The following APP variants were observed in gnomAD, a reference collection of about 807,000 sequenced individuals.
The protein encoded by APP is amyloid beta precursor protein, also known as amyloid-beta precursor protein.
Under a neutral mutation model 101.4 loss-of-function variants are expected in APP, and 31 were observed. The ratio of observed to expected loss-of-function variants is 0.31; its 90% confidence interval spans 0.23 to 0.41. APP has a LOEUF of 0.41. Among genes scored for constraint, APP ranks in the 10% least tolerant of loss-of-function variants. The pLI, the probability that APP is intolerant of heterozygous loss-of-function variation, is 1.00. For missense variants in APP, 839 were observed against 1,003.7 expected, an observed-to-expected ratio of 0.84 and a Z score of 2.22; for synonymous variants, 366 against 364.4, an observed-to-expected ratio of 1.00 and a Z score of -0.05.
intron 14 of APP, among the ~76,000 whole-genome samples, chr21:25,907,441 T>C (rs1415051597): frequency 6.6e-6 from 1 of 152,246 alleles, no homozygotes; most frequent in Non-Finnish European, 1.5e-5. Flanking sequence ...CTTTCCAATT[T>C]TTCCAATTGA....
intron 11 of APP, among the ~76,000 whole-genome samples, chr21:25,971,666 G>A (rs1325440203): frequency 6.6e-6 from 1 of 152,246 alleles, no homozygotes; most frequent in African/African-American, 2.4e-5. Flanking sequence ...GAAAGAAACT[G>A]AAGCCAGGGG....
At chr21:25,973,400 T>C (rs939535842) in intron 11 of APP, among the ~76,000 whole-genome samples, 2 of 152,176 alleles carry the variant, frequency 1.3e-5, no homozygotes, top group Non-Finnish European at 2.9e-5. Flanking sequence ...ACCACATTAA[T>C]ATTAATCAAA....
intron 1 of APP, among the ~76,000 whole-genome samples, chr21:26,122,284 G>C (rs2062590836): frequency 6.6e-6 from 1 of 152,164 alleles, no homozygotes; most frequent in Non-Finnish European, 1.5e-5. Flanking sequence ...ATACACTGCT[G>C]AGTCTGGTAC....
At chr21:26,168,118 T>A (rs1436436035) in intron 1 of APP, among the ~76,000 whole-genome samples, 1 of 152,102 alleles carries the variant, frequency 6.6e-6, no homozygotes, top group Non-Finnish European at 1.5e-5. Flanking sequence ...TAAATAAATA[T>A]TAGGGTAGTG....
chr21:26,082,889 C>T (rs2061625075), intron 3 of APP, among the ~76,000 whole-genome samples: 1 of 152,094 alleles, frequency 6.6e-6, no homozygotes, highest in Non-Finnish European at 1.5e-5. Flanking sequence ...TTTTGTAGGA[C>T]TTATTTCTCT....
chr21:26,130,644 T>C (rs1451554474), intron 1 of APP, among the ~76,000 whole-genome samples: 1 of 152,238 alleles, frequency 6.6e-6, no homozygotes, highest in Non-Finnish European at 1.5e-5. Flanking sequence ...CATTCTATAA[T>C]GTTAAAATAC....
At chr21:25,963,022 T>C (rs978952723) in intron 11 of APP, among the ~76,000 whole-genome samples, 5 of 152,076 alleles carry the variant, frequency 3.3e-5, no homozygotes, top group East Asian at 1.9e-4. Flanking sequence ...CTATGTTGGA[T>C]AGGCTGGTCT....
At chr21:26,115,297 A>G (rs1019795069) in intron 1 of APP, among the ~76,000 whole-genome samples, 7 of 141,338 alleles carry the variant, frequency 5.0e-5, no homozygotes, top group African/African-American at 1.8e-4. Context: ...TCAACTCACA[A>G]AAGCCATGTT....
chr21:26,027,957 G>A (rs2044653172), intron 5 of APP, among the ~76,000 whole-genome samples: 1 of 152,040 alleles, frequency 6.6e-6, no homozygotes, highest in Non-Finnish European at 1.5e-5. Flanking sequence ...CACGTTGCGG[G>A]GCCGAGGCAG....
At chr21:26,166,397 T>G (rs1414764517) in intron 1 of APP, among the ~76,000 whole-genome samples, 1 of 152,124 alleles carries the variant, frequency 6.6e-6, no homozygotes. Context: ...AGACGGCATT[T>G]CCCATCCATC....
upstream of APP, chr21:26,170,901 T>TCGCGCCC (rs1194234304): frequency 9.8e-6 from 3 of 307,068 alleles, no homozygotes; most frequent in Non-Finnish European, 1.7e-5. Context: ...GGAGGGGCCC[T>TCGCGCCC]CGCGCCCCGC....
At chr21:26,163,879 TA>T (rs2063550741) in intron 1 of APP, among the ~76,000 whole-genome samples, 1 of 152,240 alleles carries the variant, frequency 6.6e-6, no homozygotes, top group African/African-American at 2.4e-5. Flanking sequence ...AAAAAATATA[TA>T]ATTTCAATTA....
At chr21:25,962,253 G>A (rs1392352354) in intron 11 of APP, among the ~76,000 whole-genome samples, 1 of 151,888 alleles carries the variant, frequency 6.6e-6, no homozygotes, top group African/African-American at 2.4e-5. Context: ...TTTATTAAAG[G>A]ATTAAGAACA....
intron 13 of APP, among the ~76,000 whole-genome samples, chr21:25,924,889 T>C (rs1015007): frequency 1 from 152,317 of 152,320 alleles, 76,157 homozygotes; most frequent in Middle Eastern, 1. Context: ...TACTATTTTC[T>C]TTCCTTTTTG....
At chr21:25,976,993 G>A (rs2042248316) in intron 9 of APP, among the ~76,000 whole-genome samples, 1 of 152,138 alleles carries the variant, frequency 6.6e-6, no homozygotes, top group Admixed American at 6.5e-5. Flanking sequence ...CATGTTCTTG[G>A]ACTTCCCCAC....
chr21:25,898,714 C>T (rs1380386034), intron 15 of APP, among the ~76,000 whole-genome samples: 1 of 152,200 alleles, frequency 6.6e-6, no homozygotes, highest in Admixed American at 6.5e-5. Flanking sequence ...ACAGAGCAAG[C>T]CTAATCCTCC....
intron 8 of APP, among the ~76,000 whole-genome samples, chr21:25,988,197 G>A (rs1004801505): frequency 3.9e-5 from 6 of 152,116 alleles, no homozygotes; most frequent in African/African-American, 9.7e-5. Flanking sequence ...CAAATTCCAC[G>A]AGACCCGCAT....
At chr21:25,917,869 G>A (rs2039429135) in intron 13 of APP, among the ~76,000 whole-genome samples, 2 of 147,580 alleles carry the variant, frequency 1.4e-5, no homozygotes, top group Admixed American at 1.4e-4. Flanking sequence ...CAAAGGATAT[G>A]AACAGACACT....
intron 3 of APP, among the ~76,000 whole-genome samples, chr21:26,055,608 T>G (rs2046009403): frequency 6.6e-6 from 1 of 152,134 alleles, no homozygotes; most frequent in Non-Finnish European, 1.5e-5. Context: ...GGCATCCCAA[T>G]TTTCTAGGTT....
Sources: gnomAD v4.1 joint callset for allele counts (sites outside exome capture counted in the v4.1 genomes callset) on GRCh38, gnomAD v4.1.1 for gene constraint, MANE v1.5 for transcripts, NCBI Gene and HGNC (gene_info 2026-07-23, HGNC 2026-07-21) for gene names.